Variants in DDB2 observed in about 807,000 individuals in gnomAD.
DDB2 encodes the protein DNA damage-binding protein 2.
DDB2 carries 27 observed loss-of-function variants against 50.5 expected under a neutral mutation model. The observed-to-expected ratio is 0.53, with a 90% confidence interval of 0.39 to 0.74. The LOEUF (loss-of-function observed/expected upper bound fraction) is 0.74, where lower values mean the gene tolerates loss of function less well. DDB2 is among the 30% of genes least tolerant of loss of function. DDB2 has a pLI of 0.00. For missense variants in DDB2, 424 were observed against 545.6 expected (o/e 0.78, Z 2.22); for synonymous variants, 176 against 205.5 (o/e 0.86, Z 1.23).
intron 4 of DDB2, chr11:47,233,186 T>G: frequency 1.7e-6 from 1 of 596,984 alleles, no homozygotes; most frequent in South Asian, 1.8e-5. Context: ...AGCTCTTCTG[T>G]AAGTCATACC....
intron 3 of DDB2, among the ~76,000 whole-genome samples, chr11:47,226,734 C>CTTT (rs542832519): frequency 2.4e-5 from 3 of 124,650 alleles, no homozygotes; most frequent in Admixed American, 8.3e-5. Flanking sequence ...AGTCCTTTGC[C>CTTT]TTTTTTTTTT....
chr11:47,234,347 C>T (rs2135511234), intron 4 of DDB2, among the ~76,000 whole-genome samples: 1 of 152,244 alleles, frequency 6.6e-6, no homozygotes, highest in South Asian at 2.1e-4. Context: ...ATCCTGGGCC[C>T]AGCCATAACC....
chr11:47,216,755 G>A (rs1953405596), intron 2 of DDB2, 103 bp from the exon 3 acceptor site: 1 of 1,230,352 alleles, frequency 8.1e-7, no homozygotes, highest in Non-Finnish European at 1.2e-6. Context: ...TTCCTTTGGT[G>A]GGAGGACTTG....
At chr11:47,222,342 TC>T (rs1480649502) in intron 3 of DDB2, among the ~76,000 whole-genome samples, 1 of 152,156 alleles carries the variant, frequency 6.6e-6, no homozygotes, top group Non-Finnish European at 1.5e-5. Flanking sequence ...GTTTTTTTTT[TC>T]TTTCTGAATA....
rs150620642 is a variant in DDB2, at chr11:47,216,374, G to T, written c.166G>T (p.Gly56Trp). The T allele has an allele frequency of 6.2e-7, 1 of 1,614,040 alleles. No homozygotes were observed. Among genetic ancestry groups the T allele is most frequent in the Admixed American group, 1.7e-5 (1 of 59,992 alleles). ...ATGTGACTCAGACTGCCTCTGGGTG[G>T]GGCTGGCTGGCCCACAGATCCTGCC... ...RRCDSDCLWV[G>W]LAGPQILPPC... The change falls in exon 2 of 10, where the codon GGG (glycine) becomes TGG (tryptophan). Residue 56 changes from glycine to tryptophan, a missense_variant. By Grantham distance (184) the Gly-to-Trp change is radical (BLOSUM62 -2). Coordinates refer to ENST00000256996, the MANE Select transcript of DDB2 (RefSeq NM_000107.3).
At chr11:47,236,604 T>G (rs1162180857) in intron 7 of DDB2, among the ~76,000 whole-genome samples, 1 of 152,272 alleles carries the variant, frequency 6.6e-6, no homozygotes, top group Non-Finnish European at 1.5e-5. Flanking sequence ...AAGGGAATAC[T>G]AGTCTCTAAC....
chr11:47,235,227 G>C, intron 6 of DDB2, 43 bp from the exon 7 acceptor site: 3 of 1,613,672 alleles, frequency 1.9e-6, no homozygotes. Context: ...GGACCACAGA[G>C]GGCTTGTGGT....
intron 3 of DDB2, among the ~76,000 whole-genome samples, chr11:47,223,975 C>T (rs1186676751): frequency 1.3e-5 from 2 of 151,934 alleles, no homozygotes; most frequent in Non-Finnish European, 2.9e-5. Flanking sequence ...GTGGCTTGAA[C>T]TTGTAGTTCC....
In DDB2 at chr11:47,234,892, A is replaced by T. The variant is rs1480554006; in HGVS notation, c.838A>T (p.Ser280Cys). Residue 280 changes from serine (S) to cysteine (C), a missense_variant, in exon 6 of 10, where the codon AGC becomes TGC. Transcript: ENST00000256996. ...CCTGCGCCAGGTTAGAGGGAAAGCC[A>T]GCTTCCTCTACTCGCTGCCGCACAG... The part of the protein sequence containing the change: ...WDLRQVRGKA[S>C]FLYSLPHRHP... 6.2e-7 allele frequency: 1 copy of T among 1,614,238 alleles called. No homozygotes were observed. The highest frequency in any genetic ancestry group is 1.7e-5 in the Admixed American group (1 of 60,020).
chr11:47,234,537 T>C, intron 4 of DDB2, 36 bp from the exon 5 acceptor site: 1 of 1,570,226 alleles, frequency 6.4e-7, no homozygotes, highest in South Asian at 1.1e-5. Flanking sequence ...ACTATCTCTG[T>C]CCCCAAGAAT....
chr11:47,235,099 T>G lies in DDB2; in HGVS notation c.880+165T>G. ...GGCTGTGGCTGTCCCCATCAGCTGC[T>G]GAGTTTCCAGAATTTTTTTGTTGTT... On this transcript the variant is annotated intron_variant, in intron 6 of 9. Transcript: ENST00000256996. 3.9e-6 allele frequency: 5 copies of G among 1,277,898 alleles called. No individual in the cohort carries two copies. The South Asian group carries it at 6.1e-5, about 16-fold the overall frequency. 79.2% of individuals were successfully genotyped at this position (1,277,898 alleles called of 1,614,324 possible).
At chr11:47,233,011 C>A in intron 4 of DDB2, 52 bp downstream of exon 4, 1 of 1,596,090 alleles carries the variant, frequency 6.3e-7, no homozygotes, top group South Asian at 1.1e-5. Context: ...GGTGTAGTTC[C>A]GGCAAGAGCA....
chr11:47,235,403 A>T lies in DDB2; in HGVS notation c.1014A>T (p.Thr338=), dbSNP rs766181715. Reference sequence around the variant, plus strand: ...CTCACCGTCACTTCCAGCACCTCACACCCATCAAGGTGAGTGGCGGTGGGA... The same window carrying T: ...CTCACCGTCACTTCCAGCACCTCACTCCCATCAAGGTGAGTGGCGGTGGGA... ...PHPHRHFQHL[T]PIKAAWHPRY... is the part of the protein sequence containing the mutation. Residue 338 remains threonine (T), a synonymous_variant, in exon 7 of 10, where the codon ACA becomes ACT. Coordinates refer to ENST00000256996, the MANE Select transcript of DDB2 (RefSeq NM_000107.3). 6.2e-7 allele frequency: 1 copy of T among 1,612,500 alleles called. No individual in the cohort carries two copies. Among genetic ancestry groups the T allele is most frequent in the South Asian group, 1.1e-5 (1 of 91,078 alleles).
At chr11:47,215,942 A>G in intron 1 of DDB2, 1 of 327,778 alleles carries the variant, frequency 3.1e-6, no homozygotes, top group Non-Finnish European at 5.9e-6. Flanking sequence ...GACTTCTGCC[A>G]TGCTGCCCTA....
At chr11:47,222,960 A>T (rs1437408340) in intron 3 of DDB2, among the ~76,000 whole-genome samples, 3 of 152,098 alleles carry the variant, frequency 2.0e-5, no homozygotes, top group Non-Finnish European at 2.9e-5. Context: ...TGCCTGAAGA[A>T]ATTCCTTTCA....
Position 47,215,050 on chromosome 11 carries a change from C to T in DDB2, c.-87C>T, listed in dbSNP as rs1590987256. On this transcript the variant is annotated 5_prime_UTR_variant, in exon 1 of 10. Transcript: ENST00000256996. ...ACCTGTGGCCCCGCAGTTTTGTAGT[C>T]CCCGCCTTGTTTCTCCCCAGAGGCC... The T allele has an allele frequency of 6.2e-7, 1 of 1,602,316 alleles. No homozygotes were observed. The highest frequency in any genetic ancestry group is 2.2e-5 in the East Asian group (1 of 44,756).
chr11:47,233,031 C>A (rs1408088827), intron 4 of DDB2, 72 bp downstream of exon 4: 6 of 1,552,156 alleles, frequency 3.9e-6, no homozygotes, highest in Admixed American at 1.7e-5. Flanking sequence ...ATCCAGATCC[C>A]ATTTCCTTAA....
At chr11:47,228,733 G>A (rs766565245) in intron 3 of DDB2, among the ~76,000 whole-genome samples, 35 of 151,450 alleles carry the variant, frequency 2.3e-4, no homozygotes, top group Non-Finnish European at 2.1e-4. Context: ...GAGGCAGGCG[G>A]ATCACTTGAA....
At chr11:47,235,510 C>A (rs1953713735) in intron 7 of DDB2, 98 bp downstream of exon 7, 6 of 1,339,274 alleles carry the variant, frequency 4.5e-6, no homozygotes, top group Non-Finnish European at 4.2e-6. Context: ...GGTAAGCCTG[C>A]CACCCCAGAT....
Sources: gnomAD v4.1 joint callset for allele counts (sites outside exome capture counted in the v4.1 genomes callset) on GRCh38, gnomAD v4.1.1 for gene constraint, MANE v1.5 for transcripts, NCBI Gene and HGNC (gene_info 2026-07-23, HGNC 2026-07-21) for gene names.